PTPN3: variants seen among roughly 807,000 people sequenced by gnomAD.
The protein encoded by PTPN3 is tyrosine-protein phosphatase non-receptor type 3.
PTPN3 carries 96 observed loss-of-function variants against 132.7 expected under a neutral mutation model. The observed-to-expected ratio is 0.72, with a 90% CI of 0.61 to 0.86. The LOEUF (loss-of-function observed/expected upper bound fraction) is 0.86, where lower values mean the gene tolerates loss of function less well. Ranked by LOEUF, PTPN3 falls within the 40% of genes least tolerant of loss-of-function variation. The probability of loss-of-function intolerance (pLI) is 0.00; values close to 1 mark genes in which losing one functional copy is unlikely to be tolerated. For missense variants in PTPN3, 1,125 were observed against 1,159.6 expected (o/e 0.97, Z 0.43); for synonymous variants, 398 against 429.0 (o/e 0.93, Z 0.89).
Position 109,410,347 on chromosome 9 carries a change from G to A in PTPN3, c.1382C>T (p.Ser461Phe). The change falls in exon 15 of 26, where the codon TCT (serine) becomes TTT (phenylalanine). Residue 461 changes from serine to phenylalanine, a missense_variant. Transcript: ENST00000374541. ...TGAGCAGGAGCCTGGAGCATTTGAA[G>A]ATGGAGACACAGAACTGGATGACTT... is the stretch of plus-strand genomic sequence containing the variant. ...TQKSSSSVSP[S>F]SNAPGSCSPD... The A allele has an allele frequency of 1.9e-6, 3 of 1,614,230 alleles. No individual in the cohort carries two copies. The highest frequency in any genetic ancestry group is 2.5e-6 in the Non-Finnish European group (3 of 1,180,042).
the PTPN3 span, among the ~76,000 whole-genome samples, chr9:109,508,044 T>A: frequency 6.6e-6 from 1 of 152,120 alleles, no homozygotes. Context: ...TTCGACTGTC[T>A]CTGCCTGTTG....
At chr9:109,482,670 T>C (rs1225438772) in intron 1 of PTPN3, among the ~76,000 whole-genome samples, 1 of 152,166 alleles carries the variant, frequency 6.6e-6, no homozygotes, top group Non-Finnish European at 1.5e-5. Context: ...TGCTTCCTCT[T>C]CCTGGGTTCC....
intron 1 of PTPN3, among the ~76,000 whole-genome samples, chr9:109,468,516 G>A (rs912841112): frequency 2.0e-5 from 3 of 152,180 alleles, no homozygotes; most frequent in East Asian, 1.9e-4. Context: ...ACAGGCGCCC[G>A]CCACCACGCC....
At chr9:109,460,682 C>A (rs552109906) in intron 2 of PTPN3, among the ~76,000 whole-genome samples, 2 of 152,168 alleles carry the variant, frequency 1.3e-5, no homozygotes, top group Admixed American at 1.3e-4. Context: ...TCAGTGGGGA[C>A]GTCTCTGGTT....
At chr9:109,479,667 C>T (rs1387033418) in intron 1 of PTPN3, among the ~76,000 whole-genome samples, 1 of 152,196 alleles carries the variant, frequency 6.6e-6, no homozygotes, top group Non-Finnish European at 1.5e-5. Context: ...GCCTCCTCCG[C>T]CTCCCAGGCT....
the PTPN3 span, among the ~76,000 whole-genome samples, chr9:109,509,413 A>G: frequency 4.6e-5 from 7 of 152,176 alleles, no homozygotes; most frequent in Admixed American, 4.6e-4. Context: ...GATTACCTAG[A>G]TAGGCTCAGG....
rs372417699 is a variant in PTPN3, at chr9:109,450,523, T to C, written c.369-1668A>G. ...ACTCACCAAATGCTGCCTTGTCATA[T>C]ATTGAGCAAAGTTTCTGAGTCAACC... is the stretch of plus-strand genomic sequence containing the variant. On this transcript the variant is annotated intron_variant, in intron 5 of 25. Transcript: ENST00000374541. 267 of 985,258 alleles carry C rather than the reference T, an allele frequency of 2.7e-4. 2 individuals carry two copies. The South Asian group carries it at 0.011, about 42-fold the overall frequency. 61.0% of individuals were successfully genotyped at this position (985,258 alleles called of 1,614,324 possible). A position where few individuals can be genotyped will look rare whatever the true frequency, so the allele number is the denominator to read the frequency against.
In PTPN3 at chr9:109,438,069, T is replaced by C. The variant is rs746995032; in HGVS notation, c.587+45A>G. The C allele has an allele frequency of 2.5e-6, 4 of 1,571,848 alleles. No individual in the cohort carries two copies. In the East Asian group the frequency reaches 6.8e-5, roughly 27 times the overall value. On this transcript the variant is annotated intron_variant, in intron 8 of 25. Transcript: ENST00000374541. ...CACAAAGGGATATGATGTCTGAAAA[T>C]ACCCAACCCAAGTCCCCAAAGTAGG...
rs995005052 is a variant in PTPN3, at chr9:109,377,684, T to C, written c.*1872A>G. The C allele has an allele frequency of 2.6e-5, 4 of 152,166 alleles. No individual in the cohort carries two copies. Among genetic ancestry groups the C allele is most frequent in the African/African-American group, 9.7e-5 (4 of 41,426 alleles). The allele number at this position is 152,166 out of a possible 1,614,324, so 9.4% of individuals were successfully genotyped here. A position where few individuals can be genotyped will look rare whatever the true frequency, so the allele number is the denominator to read the frequency against. The stretch of plus-strand genomic sequence containing the variant: ...CTAATCACTGATAACTAAACTTTTC[T>C]AAGTAACTCACCCACAGCAGTGTCT... On this transcript the variant is annotated 3_prime_UTR_variant, in exon 26 of 26. Coordinates refer to ENST00000374541, the MANE Select transcript of PTPN3 (RefSeq NM_002829.4).
intron 7 of PTPN3, 77 bp from the exon 8 acceptor site, chr9:109,438,311 G>A (rs551839047): frequency 1.4e-6 from 2 of 1,439,504 alleles, no homozygotes; most frequent in East Asian, 2.3e-5. Flanking sequence ...AGCATCTACA[G>A]CATCATCAGA....
chr9:109,402,354 C>T (rs1308679100), intron 19 of PTPN3, among the ~76,000 whole-genome samples: 1 of 151,970 alleles, frequency 6.6e-6, no homozygotes, highest in Non-Finnish European at 1.5e-5. Flanking sequence ...TCTTGTCTCA[C>T]CGCAACCTCC....
intron 12 of PTPN3, among the ~76,000 whole-genome samples, chr9:109,426,086 CTT>C (rs1330968090): frequency 1.3e-5 from 2 of 150,132 alleles, no homozygotes; most frequent in Non-Finnish European, 3.0e-5. Flanking sequence ...TATGCTACCT[CTT>C]ATACTTAGAG....
At chr9:109,388,595 G>C (rs780067280) in intron 22 of PTPN3, among the ~76,000 whole-genome samples, 2 of 152,204 alleles carry the variant, frequency 1.3e-5, no homozygotes, top group Non-Finnish European at 2.9e-5. Context: ...GGAGGAAGCT[G>C]AGGTCTCCTG....
intron 14 of PTPN3, among the ~76,000 whole-genome samples, chr9:109,415,077 ACCAT>A (rs201768060): frequency 0.4 from 50,276 of 124,944 alleles, 8,918 homozygotes; most frequent in Middle Eastern, 0.45. Flanking sequence ...CGTCCATCCA[ACCAT>A]CCATCCATCC....
chr9:109,393,511 T>C (rs911723937), intron 19 of PTPN3, among the ~76,000 whole-genome samples: 2 of 151,410 alleles, frequency 1.3e-5, no homozygotes, highest in African/African-American at 4.9e-5. Context: ...CTCAGCCTCC[T>C]GAGTAGCTGG....
chr9:109,505,486 C>G, the PTPN3 span, among the ~76,000 whole-genome samples: 1 of 152,072 alleles, frequency 6.6e-6, no homozygotes, highest in Non-Finnish European at 1.5e-5. Context: ...GCTATTTTGG[C>G]CAGGCTGGTC....
the PTPN3 span, among the ~76,000 whole-genome samples, chr9:109,509,324 C>T: frequency 5.3e-5 from 8 of 152,330 alleles, no homozygotes; most frequent in East Asian, 1.4e-3. Context: ...ATTTTATTCT[C>T]ACACTGTAGG....
At chr9:109,460,907 T>C (rs1845814851) in intron 2 of PTPN3, among the ~76,000 whole-genome samples, 1 of 152,180 alleles carries the variant, frequency 6.6e-6, no homozygotes, top group Non-Finnish European at 1.5e-5. Flanking sequence ...AAGTGCTCAG[T>C]AAACATATGC....
intron 19 of PTPN3, among the ~76,000 whole-genome samples, chr9:109,398,966 A>T (rs1298035660): frequency 1.3e-5 from 2 of 152,140 alleles, no homozygotes; most frequent in Non-Finnish European, 2.9e-5. Flanking sequence ...TCCTTTACAT[A>T]AGAGAAAGAG....
Sources: gnomAD v4.1 joint callset for allele counts (sites outside exome capture counted in the v4.1 genomes callset) on GRCh38, gnomAD v4.1.1 for gene constraint, MANE v1.5 for transcripts, NCBI Gene and HGNC (gene_info 2026-07-23, HGNC 2026-07-21) for gene names.